The following LRP1B variants were observed in gnomAD, a reference collection of about 807,000 sequenced individuals.
LRP1B encodes LDL receptor related protein 1B, also known as low-density lipoprotein receptor-related protein 1B.
LRP1B carries 217 observed loss-of-function variants against 556.6 expected under a neutral mutation model. The ratio of observed to expected loss-of-function variants is 0.39; its 90% CI spans 0.35 to 0.44. The LOEUF (loss-of-function observed/expected upper bound fraction) is 0.44. LRP1B is among the 20% of genes least tolerant of loss of function. LRP1B has a pLI of 1.00. For synonymous variants in LRP1B, 2,047 were observed against 1,865.8 expected (o/e 1.10, Z -2.50); for missense variants, 5,053 against 5,620.8 (o/e 0.90, Z 3.23).
At chr2:141,072,251 T>C (rs1302281202) in intron 7 of LRP1B, among the ~76,000 whole-genome samples, 2 of 152,082 alleles carry the variant, frequency 1.3e-5, no homozygotes, top group Non-Finnish European at 2.9e-5. Context: ...CACAAACTGG[T>C]TGTATCACTG....
chr2:140,876,529 T>C (rs1224792988), intron 25 of LRP1B, among the ~76,000 whole-genome samples: 2 of 152,240 alleles, frequency 1.3e-5, no homozygotes, highest in African/African-American at 4.8e-5. Flanking sequence ...ACTTATGAAG[T>C]CAATAAAAGC....
chr2:141,452,006 C>T (rs1397410547), intron 3 of LRP1B, among the ~76,000 whole-genome samples: 1 of 152,076 alleles, frequency 6.6e-6, no homozygotes, highest in Non-Finnish European at 1.5e-5. Context: ...TATTAAATGC[C>T]TCCTCTTTTG....
At chr2:141,837,775 G>T (rs1384339415) in intron 1 of LRP1B, among the ~76,000 whole-genome samples, 1 of 152,106 alleles carries the variant, frequency 6.6e-6, no homozygotes, top group African/African-American at 2.4e-5. Flanking sequence ...GGACTAGGTA[G>T]ATGAATAGAT....
chr2:140,673,155 A>AGAG (rs1460691222), intron 41 of LRP1B, among the ~76,000 whole-genome samples: 34 of 152,306 alleles, frequency 2.2e-4, no homozygotes, highest in Non-Finnish European at 4.4e-5. Flanking sequence ...TTATAAGCAG[A>AGAG]AAGAAGGAAA....
At chr2:140,641,311 G>T (rs994419564) in intron 41 of LRP1B, among the ~76,000 whole-genome samples, 3 of 152,086 alleles carry the variant, frequency 2.0e-5, no homozygotes, top group Admixed American at 6.5e-5. Flanking sequence ...AATGAGTAAG[G>T]GTTCTTACTG....
intron 3 of LRP1B, among the ~76,000 whole-genome samples, chr2:141,306,407 T>C (rs1314464946): frequency 1.3e-5 from 2 of 152,122 alleles, no homozygotes; most frequent in Non-Finnish European, 2.9e-5. Context: ...GGTTTTCCAA[T>C]TTGGTAGTAT....
chr2:140,303,012 CATATATATATAT>C (rs59878403), intron 83 of LRP1B, among the ~76,000 whole-genome samples: 999 of 82,826 alleles, frequency 0.012, 22 homozygotes, highest in African/African-American at 0.034. Flanking sequence ...AAATCTCCTT[CATATATATATAT>C]ATATATATAT....
intron 2 of LRP1B, among the ~76,000 whole-genome samples, chr2:141,558,324 T>A (rs10178630): frequency 0.025 from 3,859 of 151,866 alleles, 92 homozygotes; most frequent in South Asian, 0.059. Context: ...CTCCTCATCA[T>A]TCGTCAGGCC....
intron 14 of LRP1B, among the ~76,000 whole-genome samples, chr2:141,009,016 A>C: frequency 6.6e-6 from 1 of 151,962 alleles, no homozygotes; most frequent in Non-Finnish European, 1.5e-5. Context: ...AATCAGCGCA[A>C]AAGAATTCCA....
chr2:140,389,363 A>G (rs567889465), intron 66 of LRP1B, among the ~76,000 whole-genome samples: 1 of 152,092 alleles, frequency 6.6e-6, no homozygotes, highest in Non-Finnish European at 1.5e-5. Flanking sequence ...GAAATAAAAA[A>G]CAACAGTGGG....
intron 12 of LRP1B, among the ~76,000 whole-genome samples, chr2:141,017,920 G>C (rs1697953079): frequency 6.6e-6 from 1 of 151,392 alleles, no homozygotes; most frequent in African/African-American, 2.4e-5. Context: ...TCGATCACTT[G>C]AGTCCAGGCT....
In LRP1B at chr2:140,972,243, T is replaced by C. The variant is rs140036121; in HGVS notation, c.2887+9917A>G. ...TACCACTTCTAAATTAAAAATTAAG[T>C]AAGCTAAAATATAAAAGTATGGAAC... On this transcript the variant is annotated intron_variant, in intron 18 of 90. Transcript: ENST00000389484. 3.1e-3 allele frequency among the ~76,000 whole-genome samples: 469 copies of C among 152,156 alleles called. 5 individuals are homozygous for C. Among genetic ancestry groups the C allele is most frequent in the Non-Finnish European group, 4.7e-3 (318 of 67,992 alleles).
At position 140,239,512 on chromosome 2, in the gene LRP1B, G is replaced by A. The variant is rs762215126; in HGVS notation, c.13345C>T (p.Pro4449Ser). 2 of 1,603,034 alleles carry A rather than the reference G, an allele frequency of 1.2e-6. No individual in the cohort carries two copies. The highest frequency in any genetic ancestry group is 1.1e-5 in the South Asian group (1 of 90,352). ...ISTRSIAIIV[P>S]LVLLVTLITT... ...ATCAAAGTCACCAAGAGGACGAGAG[G>A]CACAATGATGGCAATGCTTCCTGGA... is the stretch of plus-strand genomic sequence containing the variant. Residue 4449 changes from proline to serine, a missense_variant, in exon 88 of 91, where the codon CCT becomes TCT. Pro to Ser is a moderately conservative substitution (Grantham distance 74, BLOSUM62 -1). Transcript: ENST00000389484.
intron 6 of LRP1B, among the ~76,000 whole-genome samples, chr2:141,206,685 T>C (rs1395239327): frequency 6.6e-6 from 1 of 152,178 alleles, no homozygotes; most frequent in Non-Finnish European, 1.5e-5. Context: ...CATTCCATCC[T>C]CTGTCCATTT....
intron 23 of LRP1B, among the ~76,000 whole-genome samples, chr2:140,889,967 A>C (rs961786155): frequency 6.6e-6 from 1 of 152,176 alleles, no homozygotes; most frequent in Non-Finnish European, 1.5e-5. Flanking sequence ...AAGGCCATTT[A>C]CTACAACATA....
chr2:141,186,935 AAT>A (rs2105188839), intron 7 of LRP1B, among the ~76,000 whole-genome samples: 1 of 152,166 alleles, frequency 6.6e-6, no homozygotes, highest in South Asian at 2.1e-4. Context: ...GGAAAAACAC[AAT>A]AGTTTTATAG....
chr2:141,582,784 T>C (rs16846525), intron 2 of LRP1B, among the ~76,000 whole-genome samples: 3,873 of 151,182 alleles, frequency 0.026, 190 homozygotes, highest in African/African-American at 0.086. Flanking sequence ...TTGAGGATTC[T>C]GACCAAAAGC....
chr2:141,815,675 T>C (rs574501410), intron 1 of LRP1B, among the ~76,000 whole-genome samples: 1 of 151,964 alleles, frequency 6.6e-6, no homozygotes, highest in African/African-American at 2.4e-5. Flanking sequence ...AAACGGAACA[T>C]GGGAGGGGAC....
Position 141,847,480 on chromosome 2 carries a change from T to C in LRP1B, c.83-37079A>G, listed in dbSNP as rs148728640. Reference sequence around the variant, plus strand: ...GACATGAAAGCAGCTAGGTCTATAATTGGCTGAAACAACTTTGGAAAATAA... The same window carrying C: ...GACATGAAAGCAGCTAGGTCTATAACTGGCTGAAACAACTTTGGAAAATAA... On this transcript the variant is annotated intron_variant, in intron 1 of 90. Coordinates refer to ENST00000389484, the MANE Select transcript of LRP1B (RefSeq NM_018557.3). Among the ~76,000 whole-genome samples the C allele has an allele frequency of 2.8e-3, 431 of 151,698 alleles. 3 individuals carry two copies. The highest frequency in any genetic ancestry group is 9.8e-3 in the African/African-American group (408 of 41,516).
Sources: gnomAD v4.1 joint callset for allele counts (sites outside exome capture counted in the v4.1 genomes callset) on GRCh38, gnomAD v4.1.1 for gene constraint, MANE v1.5 for transcripts, NCBI Gene and HGNC (gene_info 2026-07-23, HGNC 2026-07-21) for gene names.